Variants in ACKR2 observed in about 807,000 individuals in gnomAD.
ACKR2 encodes the protein C-C chemokine receptor D6.
For missense variants in ACKR2, 457 were observed against 477.3 expected (o/e 0.96, Z 0.40); for synonymous variants, 207 against 192.2 (o/e 1.08, Z -0.64).
intron 2 of ACKR2, among the ~76,000 whole-genome samples, chr3:42,849,835 G>A (rs1028132597): frequency 4.6e-5 from 7 of 152,010 alleles, no homozygotes; most frequent in African/African-American, 1.7e-4. Context: ...AAATCTTTAC[G>A]CCAAATTTAA....
In ACKR2 at chr3:42,852,186, CT is replaced by C. The variant is rs1433652232; in HGVS notation, c.-37-12279del. On this transcript the variant is annotated intron_variant, in intron 2 of 2. Coordinates refer to ENST00000422265, the MANE Select transcript of ACKR2 (RefSeq NM_001296.5). The surrounding 1 kb of genome is among the most constrained non-coding windows in gnomAD (Gnocchi z 4.3). ...AGAAGTGAGTTAAGCTATATTCTGT[CT>C]GTTCTACCCTGCCTATTCTGTCTAT... 6.6e-6 allele frequency among the ~76,000 whole-genome samples: 1 copy of C among 152,214 alleles called. No individual in the cohort carries two copies. The highest frequency in any genetic ancestry group is 1.5e-5 in the Non-Finnish European group (1 of 68,048).
At chr3:42,863,509 G>A (rs2088404104) in intron 2 of ACKR2, among the ~76,000 whole-genome samples, 1 of 152,048 alleles carries the variant, frequency 6.6e-6, no homozygotes, top group South Asian at 2.1e-4. Flanking sequence ...CCCATTACTG[G>A]GTATATACCC....
At chr3:42,833,484 C>T (rs1189807607) in intron 2 of ACKR2, among the ~76,000 whole-genome samples, 1 of 152,034 alleles carries the variant, frequency 6.6e-6, no homozygotes, top group Non-Finnish European at 1.5e-5. Context: ...AAGCAGTGTA[C>T]ACTATACAAT....
chr3:42,822,172 A>C (rs931034384), intron 2 of ACKR2, among the ~76,000 whole-genome samples: 1 of 150,708 alleles, frequency 6.6e-6, no homozygotes, highest in African/African-American at 2.4e-5. Context: ...AGATATAAAT[A>C]AATAAATAAA....
chr3:42,828,090 ATATTT>A (rs1700888694), intron 2 of ACKR2, among the ~76,000 whole-genome samples: 1 of 91,874 alleles, frequency 1.1e-5, no homozygotes, highest in African/African-American at 4.3e-5. Flanking sequence ...ATATATATAT[ATATTT>A]TTTTTTTTTT....
At chr3:42,819,150 A>G (rs1318222459) in intron 1 of ACKR2, among the ~76,000 whole-genome samples, 1 of 152,130 alleles carries the variant, frequency 6.6e-6, no homozygotes, top group Non-Finnish European at 1.5e-5. Context: ...TATCTTGCAT[A>G]TATTTTGTTA....
chr3:42,865,825 T>C lies in ACKR2; in HGVS notation c.*168T>C. 1 of 582,246 alleles carries C rather than the reference T, an allele frequency of 1.7e-6. No individual in the cohort carries two copies. Among genetic ancestry groups the C allele is most frequent in the Non-Finnish European group, 3.1e-6 (1 of 326,170 alleles). 36.1% of individuals were successfully genotyped at this position (582,246 alleles called of 1,614,324 possible). ...CTCGCCCCGCCTTCTTCCTCCACTT[T>C]CTTCACTTGCTTCCAGGATACCACG... On this transcript the variant is annotated 3_prime_UTR_variant, in exon 3 of 3. Transcript: ENST00000422265.
At chr3:42,845,933 G>C (rs1219436902) in intron 2 of ACKR2, among the ~76,000 whole-genome samples, 1 of 152,022 alleles carries the variant, frequency 6.6e-6, no homozygotes. Context: ...AATGTATCTG[G>C]GGAGAGGGGA....
In ACKR2 at chr3:42,823,780, T is replaced by C. The variant is rs1478093857; in HGVS notation, c.-38+4069T>C. Among the ~76,000 whole-genome samples, 3 of 152,348 alleles carry C rather than the reference T, an allele frequency of 2.0e-5. No individual in the cohort carries two copies. The South Asian group carries it at 6.2e-4, about 32-fold the overall frequency. On this transcript the variant is annotated intron_variant, in intron 2 of 2. Transcript: ENST00000422265. ...AAATCTATTGACTTTTGTGCTCTGC[T>C]TTTCTCCCTTAACTTTATTGCAGCA...
intron 2 of ACKR2, among the ~76,000 whole-genome samples, chr3:42,825,023 G>T (rs989494334): frequency 6.6e-6 from 1 of 152,114 alleles, no homozygotes; most frequent in African/African-American, 2.4e-5. Flanking sequence ...ATTGGCCATG[G>T]ATACCTGGGT....
chr3:42,826,811 C>T (rs531838782), intron 2 of ACKR2, among the ~76,000 whole-genome samples: 29 of 152,144 alleles, frequency 1.9e-4, no homozygotes, highest in Admixed American at 6.6e-4. Context: ...GAATCATAGG[C>T]GAAAAGTTAG....
chr3:42,835,447 A>C (rs981811354), intron 2 of ACKR2: 1 of 151,942 alleles, frequency 6.6e-6, no homozygotes, highest in Non-Finnish European at 1.5e-5. Context: ...TGCCTATCTC[A>C]GAATCACACC....
At chr3:42,825,917 A>T (rs1216594136) in intron 2 of ACKR2, among the ~76,000 whole-genome samples, 33 of 92,612 alleles carry the variant, frequency 3.6e-4, no homozygotes, top group Non-Finnish European at 5.3e-4. Flanking sequence ...TCCCTAGTTT[A>T]TTGAATTTTT....
intron 2 of ACKR2, 103 bp from the exon 3 acceptor site, chr3:42,864,363 T>G: frequency 9.8e-7 from 1 of 1,015,708 alleles, no homozygotes. Flanking sequence ...CTGCAGGTAC[T>G]GATGTAGATT....
At chr3:42,843,466 A>C (rs1345086375) in intron 2 of ACKR2, among the ~76,000 whole-genome samples, 4 of 151,926 alleles carry the variant, frequency 2.6e-5, no homozygotes. Context: ...TTTTTTTTTC[A>C]GGTGTGTGTA....
rs759931729 is a variant in ACKR2 at position 42,865,435 on chromosome 3, G to GT, written c.934dup (p.Tyr312LeufsTer38). On this transcript the variant is annotated frameshift_variant, in exon 3 of 3. Coordinates refer to ENST00000422265, the MANE Select transcript of ACKR2 (RefSeq NM_001296.5). LOFTEE classifies it low-confidence loss of function (END_TRUNC). ...TTCACTGCTGCTTTTCCCCCATCCT[G>GT]TATGCCTTCTCCAGTCACCGCTTCC... is the stretch of plus-strand genomic sequence containing the variant. The GT allele has an allele frequency of 6.2e-7, 1 of 1,614,132 alleles. No homozygotes were observed. Among genetic ancestry groups the GT allele is most frequent in the African/African-American group, 1.3e-5 (1 of 75,022 alleles).
intron 1 of ACKR2, among the ~76,000 whole-genome samples, chr3:42,810,924 A>G (rs2125600306): frequency 6.6e-6 from 1 of 152,332 alleles, no homozygotes; most frequent in South Asian, 2.1e-4. Flanking sequence ...GCAGTGGTGC[A>G]ACCTTGGCTC....
intron 2 of ACKR2, among the ~76,000 whole-genome samples, chr3:42,820,947 C>T (rs900472208): frequency 1.3e-5 from 2 of 151,334 alleles, no homozygotes; most frequent in African/African-American, 4.9e-5. Context: ...TGCAGCGGTG[C>T]GATCTCGGCT....
At chr3:42,828,589 C>T (rs1466515354) in intron 2 of ACKR2, among the ~76,000 whole-genome samples, 1 of 152,144 alleles carries the variant, frequency 6.6e-6, no homozygotes, top group Non-Finnish European at 1.5e-5. Context: ...TAGTGCCTAC[C>T]TGTCTGTGAA....
Sources: gnomAD v4.1 joint callset for allele counts (sites outside exome capture counted in the v4.1 genomes callset) on GRCh38, gnomAD v4.1.1 for gene constraint, Gnocchi (gnomAD v3.1) non-coding constraint, MANE v1.5 for transcripts, NCBI Gene and HGNC (gene_info 2026-07-23, HGNC 2026-07-21) for gene names.